The following CCR3 variants were observed in gnomAD, a reference collection of about 807,000 sequenced individuals.
CCR3 encodes the protein C-C motif chemokine receptor 3.
For synonymous variants in CCR3, 203 were observed against 179.2 expected (o/e 1.13, Z -1.06); for missense variants, 419 against 437.5 (o/e 0.96, Z 0.38).
intron 1 of CCR3, among the ~76,000 whole-genome samples, chr3:46,262,257 C>T (rs1700540887): frequency 6.6e-6 from 1 of 152,228 alleles, no homozygotes; most frequent in South Asian, 2.1e-4. Flanking sequence ...CTTTTTCCTG[C>T]TATCCAGCAG....
chr3:46,240,383 C>G (rs1297400655), upstream of CCR3, among the ~76,000 whole-genome samples: 1 of 152,170 alleles, frequency 6.6e-6, no homozygotes, highest in East Asian at 1.9e-4. Flanking sequence ...CCTGCCTACC[C>G]CTGCACAGGG....
At chr3:46,262,712 C>T (rs139732939) in intron 1 of CCR3, among the ~76,000 whole-genome samples, 174 of 152,066 alleles carry the variant, frequency 1.1e-3, no homozygotes, top group African/African-American at 3.7e-3. Context: ...TGGAGTGCAG[C>T]GGCGTGATCA....
At chr3:46,246,252 T>C (rs1700187171) in intron 1 of CCR3, among the ~76,000 whole-genome samples, 1 of 152,248 alleles carries the variant, frequency 6.6e-6, no homozygotes. Flanking sequence ...GCCTGTACTG[T>C]CCACTATGGT....
At chr3:46,223,288 C>T (rs559792120) in intron 2 of CCR3, among the ~76,000 whole-genome samples, 37 of 152,274 alleles carry the variant, frequency 2.4e-4, no homozygotes, top group African/African-American at 7.9e-4. Flanking sequence ...TGCAGTGAGC[C>T]GAGATCGTGC....
chr3:46,237,897 G>C (rs764964031), upstream of CCR3, among the ~76,000 whole-genome samples: 6 of 152,160 alleles, frequency 3.9e-5, no homozygotes, highest in Non-Finnish European at 8.8e-5. Context: ...TCATAATCCA[G>C]GTGCCTGATT....
chr3:46,234,325 G>A (rs1448988658), intron 2 of CCR3, among the ~76,000 whole-genome samples: 1 of 152,066 alleles, frequency 6.6e-6, no homozygotes, highest in East Asian at 1.9e-4. Context: ...GGATTCATTG[G>A]TTTAATCAAT....
At chr3:46,236,467 C>T (rs1353969721) in intron 2 of CCR3, among the ~76,000 whole-genome samples, 1 of 152,248 alleles carries the variant, frequency 6.6e-6, no homozygotes. Context: ...ACTGTTGTTG[C>T]TGCATTGGGT....
chr3:46,215,006 A>G (rs1375576736), intron 2 of CCR3, among the ~76,000 whole-genome samples: 4 of 152,156 alleles, frequency 2.6e-5, no homozygotes, highest in Non-Finnish European at 5.9e-5. Flanking sequence ...GCTGCCAACT[A>G]GAACCTGGTA....
chr3:46,212,845 C>A (rs1699732575), intron 2 of CCR3, among the ~76,000 whole-genome samples: 1 of 152,188 alleles, frequency 6.6e-6, no homozygotes, highest in South Asian at 2.1e-4. Context: ...CTGAAGCCTT[C>A]CCATCCTCCA....
chr3:46,229,686 A>G (rs1205498516), intron 2 of CCR3, among the ~76,000 whole-genome samples: 1 of 152,194 alleles, frequency 6.6e-6, no homozygotes, highest in Non-Finnish European at 1.5e-5. Context: ...GATTCCTCAA[A>G]TCACGGACAT....
chr3:46,263,688 C>T (rs1282491257), intron 1 of CCR3: 1 of 152,164 alleles, frequency 6.6e-6, no homozygotes, highest in Non-Finnish European at 1.5e-5. Context: ...CATTTTTCCT[C>T]ATCACAACCC....
At chr3:46,235,111 A>G (rs571474507) in intron 2 of CCR3, among the ~76,000 whole-genome samples, 2 of 152,352 alleles carry the variant, frequency 1.3e-5, no homozygotes, top group East Asian at 3.9e-4. Flanking sequence ...CTTCCTCTTG[A>G]AAGAGAGCTG....
chr3:46,235,218 C>T (rs553695513), intron 2 of CCR3, among the ~76,000 whole-genome samples: 1 of 152,314 alleles, frequency 6.6e-6, no homozygotes, highest in African/African-American at 2.4e-5. Flanking sequence ...TCTTAACTTG[C>T]TCAGATCCCA....
In CCR3 at chr3:46,228,375, A is replaced by T. The variant is rs577540265; in HGVS notation, c.-67-14027A>T. ...TTTTATCTGAGTCACCCTTCTGTGAATGCAGAGGCTATAGTAAATAGCGAG... is the reference window on the plus strand; with the variant it reads ...TTTTATCTGAGTCACCCTTCTGTGATTGCAGAGGCTATAGTAAATAGCGAG... On this transcript the variant is annotated intron_variant, in intron 2 of 3. Transcript: ENST00000357422. 3.3e-5 allele frequency among the ~76,000 whole-genome samples: 5 copies of T among 152,294 alleles called. No individual in the cohort carries two copies. In the East Asian group the frequency reaches 9.6e-4, roughly 29 times the overall value.
chr3:46,227,890 A>G (rs1286672625), intron 2 of CCR3, among the ~76,000 whole-genome samples: 1 of 151,774 alleles, frequency 6.6e-6, no homozygotes, highest in Non-Finnish European at 1.5e-5. Context: ...CATACTTGGC[A>G]TAATTTTAAT....
chr3:46,258,621 T>C (rs1700469995), intron 1 of CCR3, among the ~76,000 whole-genome samples: 2 of 152,214 alleles, frequency 1.3e-5, no homozygotes, highest in Non-Finnish European at 2.9e-5. Flanking sequence ...TACATGTTGC[T>C]TTCCTTTCTG....
chr3:46,259,326 A>G (rs1483047913), intron 1 of CCR3, among the ~76,000 whole-genome samples: 1 of 152,204 alleles, frequency 6.6e-6, no homozygotes, highest in African/African-American at 2.4e-5. Flanking sequence ...ACTGCTGTGG[A>G]TGAACAATGG....
chr3:46,242,004 G>A (rs776760780), upstream of CCR3, among the ~76,000 whole-genome samples: 4 of 152,036 alleles, frequency 2.6e-5, no homozygotes, highest in Non-Finnish European at 5.9e-5. Flanking sequence ...ATGGTGGCAT[G>A]TGCCTCTAAT....
intron 1 of CCR3, among the ~76,000 whole-genome samples, chr3:46,252,762 A>G (rs1172985739): frequency 2.0e-5 from 3 of 152,168 alleles, no homozygotes; most frequent in Non-Finnish European, 4.4e-5. Flanking sequence ...ATGATACAGC[A>G]ATATAGCCTA....
Sources: gnomAD v4.1 joint callset for allele counts (sites outside exome capture counted in the v4.1 genomes callset) on GRCh38, gnomAD v4.1.1 for gene constraint, MANE v1.5 for transcripts, NCBI Gene and HGNC (gene_info 2026-07-23, HGNC 2026-07-21) for gene names.